The following TRHDE variants were observed in gnomAD, a reference collection of about 807,000 sequenced individuals.
TRHDE encodes thyrotropin releasing hormone degrading enzyme, also known as thyrotropin-releasing hormone-degrading ectoenzyme.
In TRHDE, 72 loss-of-function variants were observed where a neutral mutation model predicts 125.7. The ratio of observed to expected loss-of-function variants is 0.57; its 90% confidence interval spans 0.47 to 0.70. The LOEUF is 0.70. Among genes scored for constraint, TRHDE ranks in the 30% least tolerant of loss-of-function variants. The pLI is 0.00. For missense variants in TRHDE, 1,110 were observed against 1,327.1 expected, an observed-to-expected ratio of 0.84 and a Z score of 2.54; for synonymous variants, 509 against 509.1, an observed-to-expected ratio of 1.00 and a Z score of 0.00.
At chr12:72,394,021 A>G (rs1223261155) in intron 3 of TRHDE, among the ~76,000 whole-genome samples, 3 of 152,182 alleles carry the variant, frequency 2.0e-5, no homozygotes, top group Non-Finnish European at 2.9e-5. Context: ...TCATACAAAC[A>G]TAGGTATATA....
chr12:72,299,900 A>G (rs2135684862), intron 2 of TRHDE, among the ~76,000 whole-genome samples: 1 of 152,242 alleles, frequency 6.6e-6, no homozygotes, highest in Admixed American at 6.5e-5. Context: ...AAGAAGACCA[A>G]CGAGGGCATG....
At chr12:72,456,128 T>TACACACAC (rs58045175) in intron 3 of TRHDE, among the ~76,000 whole-genome samples, 17 of 134,828 alleles carry the variant, frequency 1.3e-4, no homozygotes, top group African/African-American at 4.7e-4. Flanking sequence ...AATATGTAAT[T>TACACACAC]ACACACACAC....
At position 72,520,847 on chromosome 12, in the gene TRHDE, T is replaced by G. The variant is rs144114072; in HGVS notation, c.1722+21212T>G. ...TCTATATTCTCTTTTATTACCGTAT[T>G]AAAAGCTTGAATGAGATAAAACTGG... On this transcript the variant is annotated intron_variant, in intron 6 of 18. Transcript: ENST00000261180. Among the ~76,000 whole-genome samples the G allele has an allele frequency of 1.3e-4, 20 of 152,368 alleles. No individual in the cohort carries two copies. The East Asian group carries it at 3.9e-3, about 29-fold the overall frequency.
chr12:72,311,928 AT>A (rs1868562188), intron 2 of TRHDE, among the ~76,000 whole-genome samples: 2 of 151,636 alleles, frequency 1.3e-5, no homozygotes, highest in East Asian at 3.9e-4. Flanking sequence ...TTTTATTCGT[AT>A]TTTCTTCATT....
intron 15 of TRHDE, among the ~76,000 whole-genome samples, chr12:72,624,215 G>A (rs374164024): frequency 1.3e-5 from 2 of 151,654 alleles, no homozygotes; most frequent in East Asian, 3.9e-4. Context: ...TTGGTGCTGA[G>A]TTTAATCTCA....
intron 2 of TRHDE, among the ~76,000 whole-genome samples, chr12:72,247,363 T>A (rs1351193064): frequency 6.6e-6 from 1 of 152,112 alleles, no homozygotes; most frequent in Non-Finnish European, 1.5e-5. Flanking sequence ...TATATGGGAA[T>A]TTTGGGGAAA....
chr12:72,570,911 T>C (rs1870694663), intron 10 of TRHDE, among the ~76,000 whole-genome samples: 1 of 152,200 alleles, frequency 6.6e-6, no homozygotes, highest in Non-Finnish European at 1.5e-5. Flanking sequence ...CATAGCACTA[T>C]CTTCTGTTTG....
chr12:72,473,302 G>T (rs1442487617), intron 5 of TRHDE, 122 bp downstream of exon 5: 5 of 656,708 alleles, frequency 7.6e-6, no homozygotes, highest in African/African-American at 5.5e-5. Context: ...TATCAATAAA[G>T]TGTAACCAAA....
At chr12:72,327,670 C>T (rs957438990) in intron 2 of TRHDE, among the ~76,000 whole-genome samples, 17 of 152,052 alleles carry the variant, frequency 1.1e-4, no homozygotes, top group Non-Finnish European at 1.9e-4. Context: ...TGCTTGCAGA[C>T]GAACACTTTT....
Position 72,575,351 on chromosome 12 carries a change from G to A in TRHDE, c.2228G>A (p.Trp743Ter). 3.1e-6 allele frequency: 5 copies of A among 1,613,510 alleles called. No homozygotes were observed. Among genetic ancestry groups the A allele is most frequent in the Non-Finnish European group, 4.2e-6 (5 of 1,179,690 alleles). The change falls in exon 11 of 19, where the codon TGG becomes TAG. Residue 743 changes from tryptophan (W) to a stop codon, truncating the protein, a stop_gained. Transcript: ENST00000261180. LOFTEE classifies it high-confidence loss of function. ...YFRVNYDLRN[W>*]RLLIDQLIRN... ...AGAGTCAACTATGACCTAAGGAACT[G>A]GAGATTATTAATTGATCAATTAATC...
intron 2 of TRHDE, among the ~76,000 whole-genome samples, chr12:72,220,813 T>G (rs543504698): frequency 6.6e-6 from 1 of 152,290 alleles, no homozygotes; most frequent in Non-Finnish European, 1.5e-5. Context: ...CTGACTTTTC[T>G]TCCACCAAGG....
At chr12:72,514,050 G>A (rs1445401781) in intron 6 of TRHDE, among the ~76,000 whole-genome samples, 1 of 152,114 alleles carries the variant, frequency 6.6e-6, no homozygotes. Context: ...TTGGTACACT[G>A]TGAACCTCAG....
chr12:72,087,549 G>A (rs933338233), intron 1 of TRHDE: 2 of 152,216 alleles, frequency 1.3e-5, no homozygotes, highest in African/African-American at 2.4e-5. Context: ...AAGTACAGAT[G>A]CAAATGAATG....
chr12:72,283,158 T>C (rs79324658), intron 1 of TRHDE, among the ~76,000 whole-genome samples: 2 of 152,334 alleles, frequency 1.3e-5, no homozygotes, highest in Non-Finnish European at 2.9e-5. Context: ...TATATATTTA[T>C]CTTTTTCTCC....
At chr12:72,424,131 A>G (rs1413515472) in intron 3 of TRHDE, among the ~76,000 whole-genome samples, 1 of 152,032 alleles carries the variant, frequency 6.6e-6, no homozygotes, top group Non-Finnish European at 1.5e-5. Flanking sequence ...ACAGCCCAAA[A>G]CTAAGGTGTC....
chr12:72,281,821 A>G (rs1879707884), intron 1 of TRHDE, among the ~76,000 whole-genome samples: 1 of 152,212 alleles, frequency 6.6e-6, no homozygotes, highest in Non-Finnish European at 1.5e-5. Flanking sequence ...CTTCTGCTGA[A>G]TGTTATCATA....
intron 2 of TRHDE, among the ~76,000 whole-genome samples, chr12:72,139,643 G>A (rs1261788137): frequency 6.6e-6 from 1 of 152,188 alleles, no homozygotes; most frequent in Non-Finnish European, 1.5e-5. Flanking sequence ...AGAATTCTCT[G>A]TACTTTGCGC....
chr12:72,399,495 G>A (rs1872946924), intron 3 of TRHDE, among the ~76,000 whole-genome samples: 2 of 151,854 alleles, frequency 1.3e-5, no homozygotes, highest in South Asian at 4.2e-4. Flanking sequence ...AAACATATAG[G>A]AAACAGAGAT....
chr12:72,568,475 AT>A (rs1483639877), intron 9 of TRHDE, 92 bp from the exon 10 acceptor site: 27 of 848,720 alleles, frequency 3.2e-5, no homozygotes, highest in Non-Finnish European at 4.8e-5. Flanking sequence ...AATGAGAGTA[AT>A]AAAAATCACA....
Sources: gnomAD v4.1 joint callset for allele counts (sites outside exome capture counted in the v4.1 genomes callset) on GRCh38, gnomAD v4.1.1 for gene constraint, MANE v1.5 for transcripts, NCBI Gene and HGNC (gene_info 2026-07-23, HGNC 2026-07-21) for gene names.